Variants in ADGRL3 observed in about 807,000 individuals in gnomAD.
ADGRL3 encodes the protein calcium-independent alpha-latrotoxin receptor 3.
A neutral mutation model predicts 153.5 loss-of-function variants in ADGRL3; 62 were observed. The observed-to-expected ratio is 0.40, with a 90% CI of 0.33 to 0.50. ADGRL3 has a LOEUF of 0.50. Ranked by LOEUF, ADGRL3 falls within the 20% of genes least tolerant of loss-of-function variation. The pLI is 0.47. For synonymous variants in ADGRL3, 710 were observed against 672.5 expected (o/e 1.06, Z -0.86); for missense variants, 1,641 against 1,859.4 (o/e 0.88, Z 2.16).
chr4:61,911,157 T>C (rs1273540573), intron 12 of ADGRL3, among the ~76,000 whole-genome samples: 1 of 152,140 alleles, frequency 6.6e-6, no homozygotes, highest in African/African-American at 2.4e-5. Context: ...ATTGTTATCA[T>C]AATGTACCGG....
In ADGRL3 at chr4:61,924,256, T is replaced by C. The variant is rs527277617; in HGVS notation, c.2113-10584T>C. ...CTCACTTGATTTTTCTCCTACCTAA[T>C]TGACACTTCTTTCCAGTCTCCTTCA... On this transcript the variant is annotated intron_variant, in intron 13 of 26. Coordinates refer to ENST00000683033, the MANE Select transcript of ADGRL3 (RefSeq NM_001387552.1). Among the ~76,000 whole-genome samples the C allele has an allele frequency of 2.0e-5, 3 of 152,254 alleles. No homozygotes were observed. In the East Asian group the frequency reaches 5.8e-4, roughly 29 times the overall value.
chr4:61,768,197 A>G (rs2097026158), intron 8 of ADGRL3, among the ~76,000 whole-genome samples: 1 of 152,136 alleles, frequency 6.6e-6, no homozygotes, highest in African/African-American at 2.4e-5. Context: ...TTTTAAGAGT[A>G]AATTGCTGGG....
At chr4:61,847,972 T>A (rs1325543339) in intron 9 of ADGRL3, among the ~76,000 whole-genome samples, 11 of 14,736 alleles carry the variant, frequency 7.5e-4, no homozygotes, top group African/African-American at 2.4e-3. Flanking sequence ...ATTATATATA[T>A]AATATAAAAT....
At chr4:61,348,061 G>A (rs1350036482) in intron 1 of ADGRL3, among the ~76,000 whole-genome samples, 1 of 151,672 alleles carries the variant, frequency 6.6e-6, no homozygotes, top group Non-Finnish European at 1.5e-5. Context: ...AAGCACCCTT[G>A]GATAATTTTA....
intron 8 of ADGRL3, among the ~76,000 whole-genome samples, chr4:61,796,464 A>G (rs915225528): frequency 2.6e-5 from 4 of 152,144 alleles, no homozygotes; most frequent in Non-Finnish European, 5.9e-5. Flanking sequence ...CAAATCAGAA[A>G]CTGAAGTCAG....
At chr4:61,684,222 T>C (rs2095400849) in intron 6 of ADGRL3, among the ~76,000 whole-genome samples, 1 of 152,120 alleles carries the variant, frequency 6.6e-6, no homozygotes, top group South Asian at 2.1e-4. Context: ...TGATATATTA[T>C]TAAGAAATGT....
chr4:61,480,705 C>A (rs774226503), intron 2 of ADGRL3, among the ~76,000 whole-genome samples: 78 of 152,008 alleles, frequency 5.1e-4, no homozygotes, highest in Non-Finnish European at 9.6e-4. Flanking sequence ...ATCTCTTGAA[C>A]CCAGGAGGCA....
chr4:61,365,585 G>A (rs2096380723), intron 1 of ADGRL3, among the ~76,000 whole-genome samples: 1 of 152,244 alleles, frequency 6.6e-6, no homozygotes. Context: ...TTCAGTATCT[G>A]CTGAGGCTGG....
At chr4:61,537,045 C>T (rs577569862) in intron 4 of ADGRL3, among the ~76,000 whole-genome samples, 1 of 152,124 alleles carries the variant, frequency 6.6e-6, no homozygotes, top group Admixed American at 6.5e-5. Flanking sequence ...GTTTAGAACT[C>T]CTTTGAGTAT....
intron 8 of ADGRL3, among the ~76,000 whole-genome samples, chr4:61,803,276 G>T (rs1450901): frequency 0.55 from 84,051 of 151,998 alleles, 24,748 homozygotes; most frequent in African/African-American, 0.75. Context: ...GAAGTTAATA[G>T]TGAAATTCTA....
At chr4:61,712,808 G>A (rs1185829337) in intron 6 of ADGRL3, among the ~76,000 whole-genome samples, 1 of 152,134 alleles carries the variant, frequency 6.6e-6, no homozygotes, top group African/African-American at 2.4e-5. Context: ...ATTCATCACT[G>A]TGGTTTTAGT....
At chr4:61,491,028 C>T (rs1417785107) in intron 2 of ADGRL3, among the ~76,000 whole-genome samples, 2 of 152,040 alleles carry the variant, frequency 1.3e-5, no homozygotes, top group African/African-American at 4.8e-5. Context: ...GATGATCATA[C>T]CAAATATATT....
chr4:62,037,463 C>A (rs1725692053), intron 23 of ADGRL3, among the ~76,000 whole-genome samples: 1 of 151,834 alleles, frequency 6.6e-6, no homozygotes, highest in Non-Finnish European at 1.5e-5. Context: ...GAGAAAGTAC[C>A]ACTATGATGT....
chr4:61,906,088 TAAAC>T (rs2098694344), intron 11 of ADGRL3, among the ~76,000 whole-genome samples: 5 of 151,642 alleles, frequency 3.3e-5, no homozygotes, highest in South Asian at 2.1e-4. Flanking sequence ...CATATATAAA[TAAAC>T]AAAAATATTG....
At chr4:61,405,481 A>G (rs951485862) in intron 2 of ADGRL3, among the ~76,000 whole-genome samples, 8 of 151,990 alleles carry the variant, frequency 5.3e-5, no homozygotes, top group South Asian at 2.1e-4. Flanking sequence ...TTTTGTTAAG[A>G]GTTACTGAAA....
chr4:61,884,314 A>C (rs1030697414), intron 9 of ADGRL3, among the ~76,000 whole-genome samples: 1 of 152,166 alleles, frequency 6.6e-6, no homozygotes, highest in Non-Finnish European at 1.5e-5. Context: ...ATGCTATGAG[A>C]TTGGGAAATT....
At chr4:62,039,101 AG>A (rs1347403220) in intron 24 of ADGRL3, among the ~76,000 whole-genome samples, 3 of 152,188 alleles carry the variant, frequency 2.0e-5, no homozygotes, top group Non-Finnish European at 4.4e-5. Flanking sequence ...ATATAAAATA[AG>A]AGTGATTGCT....
At chr4:61,414,155 G>C (rs764493945) in intron 2 of ADGRL3, among the ~76,000 whole-genome samples, 7 of 152,152 alleles carry the variant, frequency 4.6e-5, no homozygotes, top group Non-Finnish European at 8.8e-5. Context: ...GTCTGCCACA[G>C]ACCATTCTGA....
At chr4:61,527,220 A>G (rs2098570369) in intron 4 of ADGRL3, among the ~76,000 whole-genome samples, 1 of 152,102 alleles carries the variant, frequency 6.6e-6, no homozygotes, top group African/African-American at 2.4e-5. Context: ...GAAAGAAAAA[A>G]TATACCATTC....
Sources: gnomAD v4.1 joint callset for allele counts (sites outside exome capture counted in the v4.1 genomes callset) on GRCh38, gnomAD v4.1.1 for gene constraint, MANE v1.5 for transcripts, NCBI Gene and HGNC (gene_info 2026-07-23, HGNC 2026-07-21) for gene names.